Variants in DACH2 observed in about 807,000 individuals in gnomAD.
The protein encoded by DACH2 is dachshund family transcription factor 2.
A neutral mutation model predicts 35.8 loss-of-function variants in DACH2; 17 were observed. That is an observed-to-expected ratio of 0.48 (90% CI 0.33 to 0.71). The LOEUF (loss-of-function observed/expected upper bound fraction) is 0.71, where lower values mean the gene tolerates loss of function less well. DACH2 is among the 30% of genes least tolerant of loss of function. The pLI is 0.02. For synonymous variants in DACH2, 195 were observed against 177.3 expected (o/e 1.10, Z -0.79); for missense variants, 469 against 472.7 (o/e 0.99, Z 0.07).
chrX:86,411,751 T>G (rs760090434), intron 2 of DACH2, among the ~76,000 whole-genome samples: 5 of 111,531 alleles, frequency 4.5e-5, no homozygotes, highest in Non-Finnish European at 7.5e-5. Flanking sequence ...AAAATTACAG[T>G]CCCCGTTTCT....
chrX:86,772,926 C>T (rs2042000157), intron 7 of DACH2, among the ~76,000 whole-genome samples: 1 of 111,344 alleles, frequency 9.0e-6, no homozygotes, highest in African/African-American at 3.3e-5. Context: ...TTAAAGAAAA[C>T]ATCCTGTAAG....
intron 1 of DACH2, among the ~76,000 whole-genome samples, chrX:86,348,450 G>A (rs1043206782): frequency 1.8e-5 from 2 of 111,498 alleles, no homozygotes; most frequent in African/African-American, 6.5e-5. Flanking sequence ...AACCATAAAT[G>A]TATAGTCATA....
At chrX:86,742,099 T>C (rs1015350709) in intron 7 of DACH2, among the ~76,000 whole-genome samples, 2 of 110,919 alleles carry the variant, frequency 1.8e-5, no homozygotes, top group African/African-American at 6.5e-5. Flanking sequence ...GTTGACAATA[T>C]AGTTTATTTC....
Position 86,519,605 on chromosome X carries a change from C to T in DACH2, c.640+5214C>T, listed in dbSNP as rs182645472. On this transcript the variant is annotated intron_variant, in intron 3 of 11. Transcript: ENST00000373125. ...ATTGGTCTGTTCAGAGAATCACTTT[C>T]TTCCTGGCTCAGTTTTGGAGGGTGT... Among the ~76,000 whole-genome samples the T allele has an allele frequency of 2.2e-3, 248 of 111,656 alleles. 1 individual carries two copies. In the Middle Eastern group the frequency reaches 0.05, roughly 23 times the overall value.
rs761012262 is a variant in DACH2 at position 86,616,171 on chromosome X, A to C, written c.641-34865A>C. Among the ~76,000 whole-genome samples, 10 of 111,537 alleles carry C rather than the reference A, an allele frequency of 9.0e-5. No homozygotes were observed. The South Asian group carries it at 3.4e-3, about 37-fold the overall frequency. ...CCATATTTTTTTAATTCAATCTGTC[A>C]TTGATGGACATTTAGGTTTATTCCA... On this transcript the variant is annotated intron_variant, in intron 3 of 11. Transcript: ENST00000373125.
intron 1 of DACH2, among the ~76,000 whole-genome samples, chrX:86,362,952 G>T (rs1474646901): frequency 9.0e-6 from 1 of 110,759 alleles, no homozygotes; most frequent in Non-Finnish European, 1.9e-5. Flanking sequence ...TTAGTAAAGT[G>T]GCATAGGCTT....
At position 86,148,690 on chromosome X, in the gene DACH2, C is replaced by G; in HGVS notation, c.70C>G (p.Arg24Gly). 1 of 1,208,061 alleles carries G rather than the reference C, an allele frequency of 8.3e-7. No homozygotes were observed. Among genetic ancestry groups the G allele is most frequent in the Non-Finnish European group, 1.1e-6 (1 of 893,744 alleles). The change falls in exon 1 of 12, where the codon CGG (arginine) becomes GGG (glycine). Residue 24 changes from arginine (R) to glycine (G), a missense_variant. Arg to Gly is a moderately radical substitution (Grantham distance 125, BLOSUM62 -2). Coordinates refer to ENST00000373125, the MANE Select transcript of DACH2 (RefSeq NM_053281.3). ...CGCCGGCGTCCCGGGGGGCTTATTC[C>G]GGGCCGAACCCCTGTACTCGACTCC... ...SGAGVPGGLF[R>G]AEPLYSTPRE...
intron 7 of DACH2, among the ~76,000 whole-genome samples, chrX:86,743,411 A>T: frequency 9.0e-6 from 1 of 111,552 alleles, no homozygotes; most frequent in Non-Finnish European, 1.9e-5. Flanking sequence ...AAAGGAAAAT[A>T]TATAATCATA....
At chrX:86,400,913 C>G (rs2036414471) in intron 2 of DACH2, among the ~76,000 whole-genome samples, 1 of 112,388 alleles carries the variant, frequency 8.9e-6, no homozygotes, top group Non-Finnish European at 1.9e-5. Context: ...AGCTGTCAGA[C>G]AGGGACATTT....
chrX:86,343,248 G>A (rs1042503269), intron 1 of DACH2, among the ~76,000 whole-genome samples: 1 of 111,642 alleles, frequency 9.0e-6, no homozygotes, highest in African/African-American at 3.3e-5. Flanking sequence ...CTTATTGAGT[G>A]GGAAAAGAGC....
In DACH2 at chrX:86,148,480, C is replaced by A; in HGVS notation, c.-141C>A. The A allele has an allele frequency of 1.5e-6, 1 of 686,668 alleles. No individual in the cohort carries two copies. Among genetic ancestry groups the A allele is most frequent in the South Asian group, 3.1e-5 (1 of 31,854 alleles). 56.6% of individuals were successfully genotyped at this position (686,668 alleles called of 1,213,427 possible). ...TTTGTTGAGCTTGAGCGTGAGCCGG[C>A]TGCTGAAGACTTGCGAACAGTTCGG... is the stretch of plus-strand genomic sequence containing the variant. On this transcript the variant is annotated 5_prime_UTR_variant, in exon 1 of 12. The change creates a new upstream start codon in the 5' untranslated region. Coordinates refer to ENST00000373125, the MANE Select transcript of DACH2 (RefSeq NM_053281.3).
intron 1 of DACH2, among the ~76,000 whole-genome samples, chrX:86,284,115 G>C (rs1317725616): frequency 9.0e-6 from 1 of 111,091 alleles, no homozygotes; most frequent in Non-Finnish European, 1.9e-5. Flanking sequence ...GATTGCTCTA[G>C]CTAAAACGTC....
In DACH2 at chrX:86,690,801, C is replaced by G. The variant is rs192361217; in HGVS notation, c.773-4220C>G. ...AAAAAATGTAGTTCTCTCTAGCTTT[C>G]TTATTGGTAAAGTTGGGATTAAATT... On this transcript the variant is annotated intron_variant, in intron 4 of 11. Transcript: ENST00000373125. Among the ~76,000 whole-genome samples, 264 of 111,812 alleles carry G rather than the reference C, an allele frequency of 2.4e-3. 2 individuals are homozygous for G. The highest frequency in any genetic ancestry group is 8.1e-3 in the African/African-American group (250 of 30,912).
At chrX:86,621,551 TAA>T (rs199886945) in intron 3 of DACH2, among the ~76,000 whole-genome samples, 1 of 106,060 alleles carries the variant, frequency 9.4e-6, no homozygotes, top group Non-Finnish European at 2.0e-5. Flanking sequence ...ATTTTAATAA[TAA>T]AAAAAAAAGA....
At position 86,514,332 on chromosome X, in the gene DACH2, C is replaced by A; in HGVS notation, c.581C>A (p.Ala194Asp). 8.3e-7 allele frequency: 1 copy of A among 1,211,181 alleles called. No homozygotes were observed. Among genetic ancestry groups the A allele is most frequent in the Non-Finnish European group, 1.1e-6 (1 of 895,329 alleles). ...TCTTTGGGAGTGTTGCAGGAAAATG[C>A]CCGCCTTCTGACCCATGCAGTCCCA... ...KRSLGVLQEN[A>D]RLLTHAVPGL... is the part of the protein sequence containing the mutation. Residue 194 changes from alanine (A) to aspartate (D), a missense_variant, in exon 3 of 12, where the codon GCC becomes GAC. Physicochemically the swap from Ala to Asp is moderately radical, Grantham distance 126. Coordinates refer to ENST00000373125, the MANE Select transcript of DACH2 (RefSeq NM_053281.3).
chrX:86,559,571 G>C (rs1322310956), intron 3 of DACH2, among the ~76,000 whole-genome samples: 2 of 36,346 alleles, frequency 5.5e-5, no homozygotes, highest in African/African-American at 2.7e-4. Context: ...ATGTGTGGGA[G>C]TCTAAGTCTC....
intron 1 of DACH2, among the ~76,000 whole-genome samples, chrX:86,246,738 C>A (rs1006933077): frequency 8.9e-6 from 1 of 111,965 alleles, no homozygotes. Flanking sequence ...CCAAAACATA[C>A]TTTGACCATT....
Position 86,511,395 on chromosome X carries a change from A to G in DACH2, c.528-2884A>G, listed in dbSNP as rs976294854. On this transcript the variant is annotated intron_variant, in intron 2 of 11. Transcript: ENST00000373125. ...GGCCCAAGTCTTTGTTCCAAAATTAAAAACAAAGAAATCTGAATGTGATAT... is the reference window on the plus strand; with the variant it reads ...GGCCCAAGTCTTTGTTCCAAAATTAGAAACAAAGAAATCTGAATGTGATAT... Among the ~76,000 whole-genome samples, 18 of 112,055 alleles carry G rather than the reference A, an allele frequency of 1.6e-4. No individual in the cohort carries two copies. The Admixed American group carries it at 1.6e-3, about 10-fold the overall frequency.
chrX:86,609,704 T>C (rs973857317), intron 3 of DACH2, among the ~76,000 whole-genome samples: 2 of 112,007 alleles, frequency 1.8e-5, no homozygotes. Context: ...GTGTTTATTA[T>C]GGACTCATAG....
Sources: allele counts gnomAD v4.1 joint callset (sites outside exome capture counted in the v4.1 genomes callset), GRCh38; gene constraint gnomAD v4.1.1; transcripts MANE v1.5; gene names NCBI Gene and HGNC (gene_info 2026-07-23, HGNC 2026-07-21).